The following CNTN4 variants were observed in gnomAD, a reference collection of about 807,000 sequenced individuals.
The protein encoded by CNTN4 is contactin 4.
CNTN4 carries 77 observed loss-of-function variants against 122.5 expected under a neutral mutation model. The ratio of observed to expected loss-of-function variants is 0.63; its 90% confidence interval spans 0.52 to 0.76. The LOEUF (loss-of-function observed/expected upper bound fraction) is 0.76, where lower values mean the gene tolerates loss of function less well. Ranked by LOEUF, CNTN4 falls within the 30% of genes least tolerant of loss-of-function variation. The pLI, the probability that CNTN4 is intolerant of heterozygous loss-of-function variation, is 0.00. For missense variants in CNTN4, 1,256 were observed against 1,259.1 expected (o/e 1.00, Z 0.04); for synonymous variants, 512 against 447.0 (o/e 1.15, Z -1.83).
intron 2 of CNTN4, among the ~76,000 whole-genome samples, chr3:2,325,274 ATCC>A (rs772154519): frequency 1.9e-4 from 29 of 152,294 alleles, no homozygotes; most frequent in Admixed American, 5.2e-4. Flanking sequence ...AGAACATGCT[ATCC>A]TCCTCATTAT....
chr3:2,657,641 T>C (rs1235573035), intron 4 of CNTN4, among the ~76,000 whole-genome samples: 1 of 152,160 alleles, frequency 6.6e-6, no homozygotes, highest in African/African-American at 2.4e-5. Flanking sequence ...ATGGGGTGCG[T>C]ATGCGCAGTT....
At chr3:2,562,593 G>A (rs957142230) in intron 3 of CNTN4, among the ~76,000 whole-genome samples, 1 of 152,064 alleles carries the variant, frequency 6.6e-6, no homozygotes, top group African/African-American at 2.4e-5. Context: ...GTATTCCGTG[G>A]TGTGTATGCA....
chr3:2,753,888 T>C (rs985935282), intron 6 of CNTN4, among the ~76,000 whole-genome samples: 2 of 152,216 alleles, frequency 1.3e-5, no homozygotes, highest in Non-Finnish European at 2.9e-5. Flanking sequence ...TACATAAATT[T>C]GTGGACTCTA....
intron 4 of CNTN4, among the ~76,000 whole-genome samples, chr3:2,689,069 G>A (rs2085587475): frequency 6.6e-6 from 1 of 152,184 alleles, no homozygotes; most frequent in Non-Finnish European, 1.5e-5. Context: ...ACATAAGAAA[G>A]TAACAGCAGT....
chr3:2,486,923 T>G (rs2076178375), intron 3 of CNTN4, among the ~76,000 whole-genome samples: 1 of 152,198 alleles, frequency 6.6e-6, no homozygotes. Context: ...AACAACATAT[T>G]TATGTTATCT....
Position 2,886,269 on chromosome 3 carries a change from C to T in CNTN4, c.756-771C>T, listed in dbSNP as rs539515523. ...AAAATTAGCTAGGCATGGTGGCGGG[C>T]GCCTGTAGTCCTAGCTACTTGGGAG... is the stretch of plus-strand genomic sequence containing the variant. On this transcript the variant is annotated intron_variant, in intron 9 of 24. Transcript: ENST00000418658. Among the ~76,000 whole-genome samples, 293 of 151,482 alleles carry T rather than the reference C, an allele frequency of 1.9e-3. 1 individual carries two copies. Among genetic ancestry groups the T allele is most frequent in the African/African-American group, 6.3e-3 (262 of 41,378 alleles).
intron 3 of CNTN4, among the ~76,000 whole-genome samples, chr3:2,468,608 A>C (rs978896240): frequency 1.6e-4 from 24 of 152,186 alleles, no homozygotes; most frequent in African/African-American, 5.3e-4. Context: ...ATTTTATGCT[A>C]TATTACTATT....
At chr3:2,513,671 A>C (rs201353917) in intron 3 of CNTN4, among the ~76,000 whole-genome samples, 1 of 152,182 alleles carries the variant, frequency 6.6e-6, no homozygotes, top group Non-Finnish European at 1.5e-5. Flanking sequence ...AGTCACCACA[A>C]ATCTCAGAGA....
chr3:2,660,243 A>G (rs1240384691), intron 4 of CNTN4, among the ~76,000 whole-genome samples: 1 of 152,112 alleles, frequency 6.6e-6, no homozygotes, highest in African/African-American at 2.4e-5. Context: ...CTAATAGTAT[A>G]CTCAAAACAT....
chr3:2,850,565 A>G (rs1231211499), intron 7 of CNTN4, among the ~76,000 whole-genome samples: 1 of 152,130 alleles, frequency 6.6e-6, no homozygotes, highest in Non-Finnish European at 1.5e-5. Flanking sequence ...ATGCGAAACC[A>G]TGTTCTGTGC....
intron 8 of CNTN4, among the ~76,000 whole-genome samples, chr3:2,872,112 T>C (rs751679163): frequency 1.4e-4 from 14 of 97,396 alleles, no homozygotes; most frequent in Non-Finnish European, 2.4e-4. Flanking sequence ...TGCTCTGTTA[T>C]ATGCTTCCTG....
chr3:2,886,093 G>A (rs1477993611), intron 9 of CNTN4, among the ~76,000 whole-genome samples: 2 of 152,138 alleles, frequency 1.3e-5, no homozygotes, highest in African/African-American at 4.8e-5. Flanking sequence ...TTCAAGGGGA[G>A]GGGCCATAGA....
Position 2,484,924 on chromosome 3 carries a change from G to A in CNTN4, c.-88-86492G>A, listed in dbSNP as rs536092993. On this transcript the variant is annotated intron_variant, in intron 3 of 24. Transcript: ENST00000418658. ...GGGAAGGTGTGCGAGAGGCACGGGC[G>A]GGAGCCAGGGCTGCACCCTGCGCTC... Among the ~76,000 whole-genome samples the A allele has an allele frequency of 7.2e-5, 11 of 152,268 alleles. No homozygotes were observed. In the East Asian group the frequency reaches 1.7e-3, roughly 24 times the overall value.
intron 4 of CNTN4, among the ~76,000 whole-genome samples, chr3:2,602,293 T>C (rs1576175876): frequency 6.6e-6 from 1 of 152,090 alleles, no homozygotes; most frequent in African/African-American, 2.4e-5. Context: ...GGAAAAGATG[T>C]AGTCAAATTG....
chr3:2,214,908 C>G (rs930716968), intron 2 of CNTN4, among the ~76,000 whole-genome samples: 12 of 152,168 alleles, frequency 7.9e-5, no homozygotes, highest in African/African-American at 2.9e-4. Context: ...AGAAAATACT[C>G]TTTCGGGATT....
chr3:2,964,111 C>G (rs1001435503), intron 13 of CNTN4, among the ~76,000 whole-genome samples: 1 of 152,136 alleles, frequency 6.6e-6, no homozygotes, highest in East Asian at 1.9e-4. Context: ...TTTGAGCATT[C>G]ATAGGGACAT....
intron 4 of CNTN4, among the ~76,000 whole-genome samples, chr3:2,573,471 G>C (rs983630134): frequency 2.0e-5 from 3 of 152,106 alleles, no homozygotes; most frequent in African/African-American, 7.2e-5. Flanking sequence ...TAAGGGATTC[G>C]ACTGACACTT....
chr3:2,688,115 A>G (rs1217925603), intron 4 of CNTN4, among the ~76,000 whole-genome samples: 1 of 152,246 alleles, frequency 6.6e-6, no homozygotes, highest in Non-Finnish European at 1.5e-5. Context: ...TACTTTGATA[A>G]CTTATTAAAA....
chr3:2,683,645 G>A (rs1258000284), intron 4 of CNTN4, among the ~76,000 whole-genome samples: 3 of 150,040 alleles, frequency 2.0e-5, no homozygotes, highest in African/African-American at 4.9e-5. Context: ...TTGTTTATCA[G>A]AAAAAAAAAA....
Sources: gnomAD v4.1 joint callset for allele counts (sites outside exome capture counted in the v4.1 genomes callset) on GRCh38, gnomAD v4.1.1 for gene constraint, MANE v1.5 for transcripts, NCBI Gene and HGNC (gene_info 2026-07-23, HGNC 2026-07-21) for gene names.